MICAL3: variants seen among roughly 807,000 people sequenced by gnomAD.
The protein encoded by MICAL3 is microtubule associated monooxygenase, calponin and LIM domain containing 3, also known as [F-actin]-monooxygenase MICAL3.
In MICAL3, 62 loss-of-function variants were observed where a neutral mutation model predicts 207.4. The ratio of observed to expected loss-of-function variants is 0.30; its 90% CI spans 0.24 to 0.37. The LOEUF is 0.37. MICAL3 is among the 10% of genes least tolerant of loss of function. The pLI is 1.00. For missense variants in MICAL3, 2,368 were observed against 2,635.6 expected (o/e 0.90, Z 2.22); for synonymous variants, 1,077 against 1,069.3 (o/e 1.01, Z -0.14).
intron 16 of MICAL3, among the ~76,000 whole-genome samples, chr22:17,883,461 G>A (rs532782031): frequency 2.0e-5 from 3 of 152,326 alleles, no homozygotes; most frequent in Non-Finnish European, 2.9e-5. Flanking sequence ...TGGGGAGACC[G>A]ACTACGGAAG....
At chr22:17,965,420 G>A (rs778418285) in intron 1 of MICAL3, among the ~76,000 whole-genome samples, 3 of 152,170 alleles carry the variant, frequency 2.0e-5, no homozygotes, top group Non-Finnish European at 2.9e-5. Context: ...ACACATCAGA[G>A]AGTCTTCATG....
At chr22:17,811,952 T>C (rs573830720) in intron 27 of MICAL3, among the ~76,000 whole-genome samples, 1 of 152,292 alleles carries the variant, frequency 6.6e-6, no homozygotes, top group South Asian at 2.1e-4. Context: ...TCTCGTTATA[T>C]TGCCCAAGCT....
At chr22:17,908,296 C>T (rs970827303) in intron 1 of MICAL3, among the ~76,000 whole-genome samples, 1 of 151,916 alleles carries the variant, frequency 6.6e-6, no homozygotes, top group Non-Finnish European at 1.5e-5. Context: ...TTAGACAGCG[C>T]CCCTAAGACT....
At chr22:17,904,323 T>TGCCCCAGTGCCC (rs1428060021) in intron 3 of MICAL3, among the ~76,000 whole-genome samples, 6 of 152,192 alleles carry the variant, frequency 3.9e-5, no homozygotes, top group African/African-American at 7.2e-5. Context: ...CCCCAGTGCC[T>TGCCCCAGTGCCC]GCCCCAGTGC....
At chr22:17,799,949 A>AACAC (rs3078144) in intron 29 of MICAL3, among the ~76,000 whole-genome samples, 5,189 of 146,772 alleles carry the variant, frequency 0.035, 108 homozygotes, top group African/African-American at 0.059. Flanking sequence ...CTCACTCTAA[A>AACAC]ACACACACAC....
chr22:17,899,191 G>T, intron 7 of MICAL3: 2 of 522,080 alleles, frequency 3.8e-6, no homozygotes, highest in Non-Finnish European at 7.1e-6. Context: ...CACTGGCCAC[G>T]TGTTGAGAAC....
intron 1 of MICAL3, among the ~76,000 whole-genome samples, chr22:17,985,591 T>G (rs1920971971): frequency 6.6e-6 from 1 of 152,164 alleles, no homozygotes; most frequent in Non-Finnish European, 1.5e-5. Flanking sequence ...TTGTATTCTG[T>G]ATTTTCAAAG....
At chr22:17,875,487 G>C in intron 16 of MICAL3, 1 of 1,556,292 alleles carries the variant, frequency 6.4e-7, no homozygotes, top group Non-Finnish European at 8.7e-7. Context: ...GGGGCGGGCA[G>C]AGGAGCGGAG....
chr22:17,819,755 T>C (rs5992857), intron 25 of MICAL3, among the ~76,000 whole-genome samples: 67,905 of 151,058 alleles, frequency 0.45, 16,694 homozygotes, highest in African/African-American at 0.64. Context: ...CTGGCTAACA[T>C]GGTGAAATCC....
At chr22:17,975,575 C>G (rs1249368998) in intron 1 of MICAL3, among the ~76,000 whole-genome samples, 7 of 152,046 alleles carry the variant, frequency 4.6e-5, no homozygotes, top group Non-Finnish European at 1.0e-4. Flanking sequence ...GAAAAAAATT[C>G]AACGAATTCA....
intron 19 of MICAL3, among the ~76,000 whole-genome samples, chr22:17,847,258 G>T (rs1166806144): frequency 6.6e-6 from 1 of 152,174 alleles, no homozygotes; most frequent in East Asian, 1.9e-4. Context: ...GGCCTCTTCT[G>T]CCTCTTTCTG....
chr22:17,866,070 G>A, intron 17 of MICAL3, 58 bp from the exon 18 acceptor site: 1 of 1,319,656 alleles, frequency 7.6e-7, no homozygotes, highest in Non-Finnish European at 1.1e-6. Context: ...TCCTGAACGT[G>A]CCTCCCTGGT....
chr22:17,886,988 C>CAAAAAAAAA lies in MICAL3; in HGVS notation c.2067+173_2067+181dup, dbSNP rs55999508. Reference sequence around the variant, plus strand: ...GGGCAATGGAGAAAGACTCTTGTCTCAAAAAAAAAAAAAAAAAAAAAAAAA... The same window carrying CAAAAAAAAA: ...GGGCAATGGAGAAAGACTCTTGTCTCAAAAAAAAAAAAAAAAAAAAAAAAAAAAAAAAAA... On this transcript the variant is annotated intron_variant, in intron 15 of 31. Transcript: ENST00000441493. 1.0e-3 allele frequency among the ~76,000 whole-genome samples: 43 copies of CAAAAAAAAA among 41,336 alleles called. 1 individual carries two copies. The highest frequency in any genetic ancestry group is 0.029 in the Middle Eastern group (1 of 34). The allele number at this position is 41,336 out of a possible 152,430, so 27.1% of individuals were successfully genotyped here. A position where few individuals can be genotyped will look rare whatever the true frequency, so the allele number is the denominator to read the frequency against.
At chr22:17,966,757 G>A (rs866394853) in intron 1 of MICAL3, among the ~76,000 whole-genome samples, 7 of 152,166 alleles carry the variant, frequency 4.6e-5, no homozygotes, top group Admixed American at 3.3e-4. Context: ...GGCAAAAATG[G>A]TCCATGAGTA....
chr22:17,844,083 T>C (rs1235383291), intron 19 of MICAL3, among the ~76,000 whole-genome samples: 1 of 152,174 alleles, frequency 6.6e-6, no homozygotes, highest in Non-Finnish European at 1.5e-5. Context: ...CCTGACCTCG[T>C]GATCCGCCCG....
intron 16 of MICAL3, among the ~76,000 whole-genome samples, chr22:17,874,967 C>T (rs1342266579): frequency 2.0e-5 from 3 of 152,206 alleles, no homozygotes; most frequent in African/African-American, 7.2e-5. Context: ...CTAGAAACTC[C>T]CTACAACTGG....
At chr22:17,994,981 T>C (rs1816513944) in intron 1 of MICAL3, among the ~76,000 whole-genome samples, 1 of 151,982 alleles carries the variant, frequency 6.6e-6, no homozygotes, top group Admixed American at 6.6e-5. Context: ...CCTCACTAGA[T>C]TCCCTCACAC....
intron 1 of MICAL3, among the ~76,000 whole-genome samples, chr22:17,915,428 G>C (rs1569131462): frequency 6.6e-6 from 1 of 152,192 alleles, no homozygotes; most frequent in Non-Finnish European, 1.5e-5. Flanking sequence ...TCCGAAGGGA[G>C]AGAAATACCT....
chr22:17,863,416 G>T, intron 19 of MICAL3: 5 of 985,392 alleles, frequency 5.1e-6, no homozygotes, highest in Non-Finnish European at 6.0e-6. Context: ...TCTCTGTCTA[G>T]ACCCCTTTGG....
Sources: allele counts gnomAD v4.1 joint callset (sites outside exome capture counted in the v4.1 genomes callset), GRCh38; gene constraint gnomAD v4.1.1; transcripts MANE v1.5; gene names NCBI Gene and HGNC (gene_info 2026-07-23, HGNC 2026-07-21).